MAD1L1: variants seen among roughly 807,000 people sequenced by gnomAD.
MAD1L1 encodes the protein mitotic arrest deficient 1 like 1.
Under a neutral mutation model 96.9 loss-of-function variants are expected in MAD1L1, and 95 were observed. The ratio of observed to expected loss-of-function variants is 0.98; its 90% CI spans 0.83 to 1.16. The LOEUF is 1.16. MAD1L1 is among the 50% of genes most tolerant of loss of function. MAD1L1 has a pLI of 0.00. For missense variants in MAD1L1, 1,007 were observed against 954.4 expected (o/e 1.06, Z -0.73); for synonymous variants, 473 against 396.6 (o/e 1.19, Z -2.29).
At chr7:1,977,842 G>T (rs1247688567) in intron 15 of MAD1L1, among the ~76,000 whole-genome samples, 1 of 152,266 alleles carries the variant, frequency 6.6e-6, no homozygotes, top group Non-Finnish European at 1.5e-5. Flanking sequence ...TGCGTGGGCA[G>T]CCACGGGCCG....
At position 2,222,556 on chromosome 7, in the gene MAD1L1, C is replaced by A. The variant is rs372091053; in HGVS notation, c.471+19G>T. 6.4e-7 allele frequency: 1 copy of A among 1,558,548 alleles called. No homozygotes were observed. On this transcript the variant is annotated intron_variant, in intron 5 of 18. Transcript: ENST00000265854. ...CTCCTCGGGAAAACAGCTCCCTGCG[C>A]AGCAGAGGCCCCGCTCACCTCGCCA...
At chr7:1,927,144 A>G (rs1376810071) in intron 17 of MAD1L1, among the ~76,000 whole-genome samples, 1 of 152,210 alleles carries the variant, frequency 6.6e-6, no homozygotes, top group Non-Finnish European at 1.5e-5. Context: ...AACACTAACA[A>G]TAAAACCAAC....
intron 11 of MAD1L1, among the ~76,000 whole-genome samples, chr7:2,076,530 C>A (rs1192299326): frequency 6.6e-6 from 1 of 152,216 alleles, no homozygotes; most frequent in African/African-American, 2.4e-5. Context: ...TGAGCCCGAA[C>A]ACAGACGGTC....
chr7:1,937,501 C>A (rs1778678156), intron 16 of MAD1L1, among the ~76,000 whole-genome samples: 1 of 152,172 alleles, frequency 6.6e-6, no homozygotes, highest in African/African-American at 2.4e-5. Context: ...AGCCTGCTGA[C>A]CTGTGGTGGG....
intron 14 of MAD1L1, among the ~76,000 whole-genome samples, chr7:1,995,822 G>A (rs1781529710): frequency 6.6e-6 from 1 of 152,194 alleles, no homozygotes; most frequent in Non-Finnish European, 1.5e-5. Flanking sequence ...CCCGGTGCCA[G>A]CAGCAAGCCC....
chr7:2,048,152 G>T (rs529798092), intron 12 of MAD1L1, among the ~76,000 whole-genome samples: 1 of 152,156 alleles, frequency 6.6e-6, no homozygotes, highest in Non-Finnish European at 1.5e-5. Context: ...ACTGAGCACC[G>T]ACACGGGTGT....
chr7:1,982,007 C>T (rs1463532342), intron 14 of MAD1L1, among the ~76,000 whole-genome samples: 1 of 152,086 alleles, frequency 6.6e-6, no homozygotes, highest in Admixed American at 6.5e-5. Flanking sequence ...ACCCCAGCGC[C>T]CCAGGCCCCC....
At chr7:2,136,388 C>T (rs1370277572) in intron 11 of MAD1L1, among the ~76,000 whole-genome samples, 1 of 152,066 alleles carries the variant, frequency 6.6e-6, no homozygotes, top group African/African-American at 2.4e-5. Flanking sequence ...AGGCTCCCCG[C>T]CAGCAGGCAG....
At chr7:2,082,813 C>G (rs956839432) in intron 11 of MAD1L1, among the ~76,000 whole-genome samples, 6 of 152,240 alleles carry the variant, frequency 3.9e-5, no homozygotes, top group African/African-American at 1.4e-4. Context: ...GCCCAGCCTC[C>G]GCCCACGCCT....
intron 18 of MAD1L1, among the ~76,000 whole-genome samples, chr7:1,868,492 C>T (rs370085222): frequency 7.3e-5 from 11 of 150,328 alleles, no homozygotes; most frequent in African/African-American, 1.7e-4. Flanking sequence ...CCCCACCCCA[C>T]GGATAATTTA....
intron 12 of MAD1L1, among the ~76,000 whole-genome samples, chr7:2,030,572 G>A (rs1457849804): frequency 9.2e-5 from 14 of 152,232 alleles, no homozygotes; most frequent in Admixed American, 9.2e-4. Context: ...CAGGGCGCCA[G>A]TGACAGGTGG....
chr7:1,976,152 C>G (rs2128481792), intron 15 of MAD1L1, among the ~76,000 whole-genome samples: 1 of 152,332 alleles, frequency 6.6e-6, no homozygotes, highest in African/African-American at 2.4e-5. Context: ...TGGGCAAGAG[C>G]AGGCACACAT....
intron 14 of MAD1L1, among the ~76,000 whole-genome samples, chr7:1,987,981 T>G (rs1412432609): frequency 6.6e-6 from 1 of 151,966 alleles, no homozygotes; most frequent in Non-Finnish European, 1.5e-5. Flanking sequence ...TGGCAGGAAG[T>G]CAGGCAGGCC....
chr7:2,202,864 C>T (rs1375333712), intron 10 of MAD1L1, among the ~76,000 whole-genome samples: 1 of 152,340 alleles, frequency 6.6e-6, no homozygotes, highest in East Asian at 1.9e-4. Context: ...TGGCCTCACA[C>T]ATCAGGGAAG....
intron 18 of MAD1L1, among the ~76,000 whole-genome samples, chr7:1,851,097 C>T (rs948588148): frequency 3.9e-5 from 6 of 152,242 alleles, no homozygotes; most frequent in Admixed American, 2.0e-4. Flanking sequence ...AGGCCACAAG[C>T]GTCTGTGCCA....
chr7:2,222,825 C>A, intron 4 of MAD1L1, 71 bp from the exon 5 acceptor site: 1 of 1,259,118 alleles, frequency 7.9e-7, no homozygotes, highest in Non-Finnish European at 1.1e-6. Flanking sequence ...CTCACCCCCA[C>A]ACCTCTCTCA....
At chr7:2,076,507 G>A (rs1343193135) in intron 11 of MAD1L1, among the ~76,000 whole-genome samples, 2 of 152,202 alleles carry the variant, frequency 1.3e-5, no homozygotes, top group African/African-American at 4.8e-5. Context: ...CCCGACTATG[G>A]TACTTTGTTA....
chr7:2,120,270 G>C (rs543740430), intron 11 of MAD1L1, among the ~76,000 whole-genome samples: 9 of 152,180 alleles, frequency 5.9e-5, no homozygotes, highest in Admixed American at 5.2e-4. Context: ...AGCCCCGCCT[G>C]TATGTTACAG....
At chr7:2,186,117 C>T (rs565882437) in intron 10 of MAD1L1, among the ~76,000 whole-genome samples, 54 of 152,310 alleles carry the variant, frequency 3.5e-4, no homozygotes, top group African/African-American at 7.9e-4. Context: ...ATCTTAAGTA[C>T]TGTTAACAGA....
Sources: gnomAD v4.1 joint callset for allele counts (sites outside exome capture counted in the v4.1 genomes callset) on GRCh38, gnomAD v4.1.1 for gene constraint, MANE v1.5 for transcripts, NCBI Gene and HGNC (gene_info 2026-07-23, HGNC 2026-07-21) for gene names.